Variants in THADA observed in about 807,000 individuals in gnomAD.
THADA encodes tRNA (32-2'-O)-methyltransferase regulator THADA.
Under a neutral mutation model 219.8 loss-of-function variants are expected in THADA, and 213 were observed. The observed-to-expected ratio is 0.97, with a 90% CI of 0.87 to 1.09. THADA has a LOEUF of 1.09. Among genes scored for constraint, THADA ranks in the 50% least tolerant of loss-of-function variants. THADA has a pLI of 0.00. For synonymous variants in THADA, 1,018 were observed against 828.9 expected (o/e 1.23, Z -3.92); for missense variants, 2,956 against 2,311.3 (o/e 1.28, Z -5.72).
intron 28 of THADA, among the ~76,000 whole-genome samples, chr2:43,417,449 T>C (rs981517675): frequency 1.3e-5 from 2 of 152,156 alleles, no homozygotes; most frequent in Non-Finnish European, 2.9e-5. Flanking sequence ...TTCTCAAGAA[T>C]CTCAAAACTT....
chr2:43,396,729 TGA>T (rs1674085760), intron 29 of THADA, among the ~76,000 whole-genome samples: 1 of 151,820 alleles, frequency 6.6e-6, no homozygotes, highest in Admixed American at 6.6e-5. Context: ...GAGAATGGCT[TGA>T]ACGCAGGAGG....
chr2:43,265,789 C>G (rs1671445080), intron 36 of THADA, among the ~76,000 whole-genome samples: 1 of 152,172 alleles, frequency 6.6e-6, no homozygotes, highest in Admixed American at 6.5e-5. Flanking sequence ...TTTCCTAACT[C>G]CATTCCCCAC....
intron 29 of THADA, among the ~76,000 whole-genome samples, chr2:43,395,828 T>C (rs1225088054): frequency 6.6e-6 from 1 of 152,254 alleles, no homozygotes; most frequent in Non-Finnish European, 1.5e-5. Flanking sequence ...CTTGGCTCAC[T>C]GCAACCTCTG....
In THADA at chr2:43,556,380, C is replaced by G. The variant is rs753917327; in HGVS notation, c.2639G>C (p.Arg880Thr). ...TQQVACDNGD[R>T]PAAVVERNTL... is the part of the protein sequence containing the mutation. The stretch of plus-strand genomic sequence containing the variant: ...GTTCCTTTCCACCACAGCAGCAGGC[C>G]TATCTCCATTATCACATGCAACTTG... The change falls in exon 17 of 38, where the codon AGG becomes ACG. Residue 880 changes from arginine to threonine, a missense_variant. By Grantham distance (71) the Arg-to-Thr change is moderately conservative. Transcript: ENST00000405975. 7 of 1,613,770 alleles carry G rather than the reference C, an allele frequency of 4.3e-6. No individual in the cohort carries two copies. The highest frequency in any genetic ancestry group is 5.9e-6 in the Non-Finnish European group (7 of 1,179,856).
chr2:43,404,400 G>T (rs1358637460), intron 28 of THADA, among the ~76,000 whole-genome samples: 2 of 143,372 alleles, frequency 1.4e-5, no homozygotes, highest in Non-Finnish European at 3.0e-5. Flanking sequence ...TTTTAAAGTA[G>T]AGACAGGGTC....
At chr2:43,363,627 A>G (rs1669773995) in intron 29 of THADA, among the ~76,000 whole-genome samples, 1 of 152,192 alleles carries the variant, frequency 6.6e-6, no homozygotes, top group South Asian at 2.1e-4. Context: ...ATTATTGGAA[A>G]AACAAATGGA....
rs1347093309 is a variant in THADA at position 43,556,546 on chromosome 2, T to C, written c.2473A>G (p.Lys825Glu). Residue 825 changes from lysine (K) to glutamate (E), a missense_variant, in exon 17 of 38, where the codon AAA becomes GAA. Lys to Glu is a moderately conservative substitution (Grantham distance 56). Coordinates refer to ENST00000405975, the MANE Select transcript of THADA (RefSeq NM_022065.5). ...GCTGCCTGAAATAAGCCTTGCAGTT[T>C]CCCCGAATCCTAGAATAAAGCGCAG... ...KTAVHFQDSG[K>E]LQGLFQAALE... 1 of 1,613,262 alleles carries C rather than the reference T, an allele frequency of 6.2e-7. No individual in the cohort carries two copies. Among genetic ancestry groups the C allele is most frequent in the African/African-American group, 1.3e-5 (1 of 74,968 alleles).
chr2:43,535,221 C>T (rs1292237363), intron 21 of THADA, among the ~76,000 whole-genome samples: 1 of 115,318 alleles, frequency 8.7e-6, no homozygotes, highest in Non-Finnish European at 1.7e-5. Context: ...GGTCCCTGTA[C>T]ATTTTGGACA....
In THADA at chr2:43,560,261, C is replaced by T. The variant is rs759138716; in HGVS notation, c.2436G>A (p.Lys812=). 1 of 1,612,236 alleles carries T rather than the reference C, an allele frequency of 6.2e-7. No homozygotes were observed. The change falls in exon 16 of 38, where the codon AAG becomes AAA. Residue 812 remains lysine (K), a synonymous_variant. Coordinates refer to ENST00000405975, the MANE Select transcript of THADA (RefSeq NM_022065.5). ...GAAAATGTACAGCTGTTTTTGATAA[C>T]TTCATCAGAAGATCAAATGCTAAAA... The part of the protein sequence containing the change: ...VKILAFDLLM[K]LSKTAVHFQD...
At chr2:43,320,641 C>T (rs1327722190) in intron 30 of THADA, 101 bp from the exon 31 acceptor site, 1 of 738,850 alleles carries the variant, frequency 1.4e-6, no homozygotes, top group Non-Finnish European at 2.2e-6. Flanking sequence ...TATGATGGGG[C>T]TTAAGCAGCT....
intron 26 of THADA, among the ~76,000 whole-genome samples, chr2:43,470,956 T>C (rs1684837446): frequency 6.6e-6 from 1 of 152,112 alleles, no homozygotes. Flanking sequence ...TGGGTAGTGA[T>C]AATGGGGAGG....
At chr2:43,355,806 G>T (rs1231428493) in intron 29 of THADA, among the ~76,000 whole-genome samples, 1 of 152,196 alleles carries the variant, frequency 6.6e-6, no homozygotes, top group Non-Finnish European at 1.5e-5. Context: ...AAGGGGAACT[G>T]ATAGTGGCAT....
intron 30 of THADA, among the ~76,000 whole-genome samples, chr2:43,321,139 G>C (rs1256208558): frequency 6.6e-6 from 1 of 152,150 alleles, no homozygotes; most frequent in Non-Finnish European, 1.5e-5. Context: ...ATAGTAAGTG[G>C]GCTCAGATTT....
chr2:43,271,135 TG>T (rs1365950663), intron 36 of THADA, among the ~76,000 whole-genome samples: 2 of 152,200 alleles, frequency 1.3e-5, no homozygotes, highest in African/African-American at 2.4e-5. Flanking sequence ...ATCCACCTGC[TG>T]GGCACTTCCC....
intron 36 of THADA, among the ~76,000 whole-genome samples, chr2:43,269,855 G>A (rs1671934598): frequency 6.6e-6 from 1 of 152,150 alleles, no homozygotes; most frequent in Non-Finnish European, 1.5e-5. Context: ...TACGGAGAGA[G>A]GCCCAGAGAG....
rs1389183247 is a variant in THADA, at chr2:43,232,734, G to A, written c.5445C>T (p.Ala1815=). 1.2e-6 allele frequency: 2 copies of A among 1,613,828 alleles called. No homozygotes were observed. Among genetic ancestry groups the A allele is most frequent in the African/African-American group, 2.7e-5 (2 of 74,940 alleles). Residue 1815 remains alanine (A), a synonymous_variant, in exon 37 of 38, where the codon GCC becomes GCT. Transcript: ENST00000405975. ...TCACCTGATGCATGCTCTCCACACA[G>A]GCCACGAGGTCATCACTCTCTCCCA... ...WLLGESDDLV[A]CVESMHQVEE...
At chr2:43,445,311 G>C (rs1206630506) in intron 26 of THADA, among the ~76,000 whole-genome samples, 1 of 152,204 alleles carries the variant, frequency 6.6e-6, no homozygotes, top group Non-Finnish European at 1.5e-5. Context: ...ATCTCAGTTT[G>C]AAATCCCATC....
intron 25 of THADA, 151 bp downstream of exon 25, chr2:43,498,682 G>T (rs1688569043): frequency 3.4e-6 from 3 of 894,570 alleles, no homozygotes; most frequent in Non-Finnish European, 4.9e-6. Flanking sequence ...GAAATATCAA[G>T]AATCAAAAAT....
At chr2:43,499,446 G>A (rs544083546) in intron 24 of THADA, among the ~76,000 whole-genome samples, 2 of 151,922 alleles carry the variant, frequency 1.3e-5, no homozygotes, top group East Asian at 1.9e-4. Flanking sequence ...GCACAGTCTC[G>A]GCTCACTACA....
Sources: allele counts gnomAD v4.1 joint callset (sites outside exome capture counted in the v4.1 genomes callset), GRCh38; gene constraint gnomAD v4.1.1; transcripts MANE v1.5; gene names NCBI Gene and HGNC (gene_info 2026-07-23, HGNC 2026-07-21).